The following SAMD12 variants were observed in gnomAD, a reference collection of about 807,000 sequenced individuals.
SAMD12 encodes the protein sterile alpha motif domain containing 12.
In SAMD12, 9 loss-of-function variants were observed where a neutral mutation model predicts 15.0. The ratio of observed to expected loss-of-function variants is 0.60; its 90% CI spans 0.36 to 1.05. SAMD12 has a LOEUF of 1.05. Among genes scored for constraint, SAMD12 ranks in the 50% least tolerant of loss-of-function variants. The pLI, the probability that SAMD12 is intolerant of heterozygous loss-of-function variation, is 0.01. For missense variants in SAMD12, 230 were observed against 234.2 expected, an observed-to-expected ratio of 0.98 and a Z score of 0.12; for synonymous variants, 86 against 90.1, an observed-to-expected ratio of 0.96 and a Z score of 0.25.
intron 4 of SAMD12, among the ~76,000 whole-genome samples, chr8:118,335,431 G>A (rs548115138): frequency 6.6e-6 from 1 of 152,144 alleles, no homozygotes; most frequent in African/African-American, 2.4e-5. Flanking sequence ...TTGACATAAA[G>A]CTACTTTGTC....
intron 2 of SAMD12, among the ~76,000 whole-genome samples, chr8:118,485,662 G>A (rs1304407894): frequency 1.3e-5 from 2 of 152,112 alleles, no homozygotes; most frequent in African/African-American, 2.4e-5. Flanking sequence ...TCTAGCAGCC[G>A]AAATCCATAA....
intron 2 of SAMD12, among the ~76,000 whole-genome samples, chr8:118,482,395 G>A (rs1249989517): frequency 3.9e-5 from 6 of 152,076 alleles, no homozygotes; most frequent in Non-Finnish European, 1.5e-5. Context: ...AAGGAAAATG[G>A]GTACAGTTGA....
At chr8:118,492,074 G>A (rs545855997) in intron 2 of SAMD12, among the ~76,000 whole-genome samples, 13 of 149,502 alleles carry the variant, frequency 8.7e-5, no homozygotes, top group African/African-American at 2.2e-4. Context: ...ATTCTCACTC[G>A]CAATGTATGA....
chr8:118,168,557 C>A, the SAMD12 span, among the ~76,000 whole-genome samples: 3 of 152,172 alleles, frequency 2.0e-5, no homozygotes, highest in Admixed American at 6.6e-5. Context: ...ACCCTTTTCT[C>A]TTAGGTTGTC....
chr8:118,299,093 G>A (rs979023122), intron 4 of SAMD12, among the ~76,000 whole-genome samples: 1 of 152,134 alleles, frequency 6.6e-6, no homozygotes, highest in Non-Finnish European at 1.5e-5. Context: ...CTGTGTGTGG[G>A]AGACATCAAA....
intron 4 of SAMD12, among the ~76,000 whole-genome samples, chr8:118,336,903 T>A (rs1817105511): frequency 1.3e-5 from 2 of 152,178 alleles, no homozygotes; most frequent in Middle Eastern, 6.8e-3. Context: ...GAGCAAACTA[T>A]TGCAAGGACA....
At chr8:118,286,633 T>A (rs1407399104) in intron 4 of SAMD12, among the ~76,000 whole-genome samples, 1 of 152,160 alleles carries the variant, frequency 6.6e-6, no homozygotes, top group Admixed American at 6.5e-5. Context: ...GAAGCCAGCG[T>A]GGTAGGACCA....
intron 4 of SAMD12, among the ~76,000 whole-genome samples, chr8:118,267,076 T>C (rs149572292): frequency 2.0e-5 from 3 of 152,082 alleles, no homozygotes; most frequent in Admixed American, 6.6e-5. Context: ...TATCAAAATA[T>C]CATGCTGTAC....
At chr8:118,149,738 T>G in the SAMD12 span, among the ~76,000 whole-genome samples, 149,186 of 152,260 alleles carry the variant, frequency 0.98, 73,225 homozygotes, top group Middle Eastern at 1. Flanking sequence ...TCCGTTTTTA[T>G]TTACTTTACC....
chr8:118,510,249 T>C (rs1825040664), intron 2 of SAMD12, among the ~76,000 whole-genome samples: 1 of 151,666 alleles, frequency 6.6e-6, no homozygotes, highest in South Asian at 2.1e-4. Context: ...CACGCACACA[T>C]GCATGCACAC....
intron 4 of SAMD12, among the ~76,000 whole-genome samples, chr8:118,293,130 G>A (rs964627249): frequency 6.6e-6 from 1 of 151,784 alleles, no homozygotes. Flanking sequence ...TGCTGTGTTT[G>A]AAGCTCAGAA....
intron 3 of SAMD12, among the ~76,000 whole-genome samples, chr8:118,415,448 G>GGTGTGTGTGTGTGTGTGTGTGTGTGTGT (rs58176749): frequency 1.4e-5 from 2 of 142,952 alleles, no homozygotes; most frequent in African/African-American, 2.6e-5. Context: ...CTTGTCCTAA[G>GGTGTGTGTGTGTGTGTGTGTGTGTGTGT]GTGTGTGTGT....
At chr8:118,339,368 A>G (rs1817237186) in intron 4 of SAMD12, among the ~76,000 whole-genome samples, 1 of 152,148 alleles carries the variant, frequency 6.6e-6, no homozygotes, top group Non-Finnish European at 1.5e-5. Flanking sequence ...AAAGAGAGAG[A>G]GAAAGAAAAA....
chr8:118,478,757 G>T (rs887448334), intron 2 of SAMD12, among the ~76,000 whole-genome samples: 5 of 152,194 alleles, frequency 3.3e-5, no homozygotes, highest in Admixed American at 2.6e-4. Flanking sequence ...GGCAGTTTCT[G>T]TCATCACAGT....
chr8:118,435,189 C>T (rs1822545336), intron 3 of SAMD12, among the ~76,000 whole-genome samples: 1 of 152,012 alleles, frequency 6.6e-6, no homozygotes, highest in Non-Finnish European at 1.5e-5. Flanking sequence ...TCACTTTGTG[C>T]AGTTTCAGTT....
chr8:118,396,228 C>T (rs1820558802), intron 3 of SAMD12, among the ~76,000 whole-genome samples: 1 of 152,114 alleles, frequency 6.6e-6, no homozygotes, highest in Admixed American at 6.5e-5. Context: ...GCCACTGAGT[C>T]AGTTTCCTCA....
At chr8:118,256,285 A>C (rs924705266) in intron 4 of SAMD12, among the ~76,000 whole-genome samples, 2 of 152,146 alleles carry the variant, frequency 1.3e-5, no homozygotes, top group African/African-American at 4.8e-5. Context: ...ACATTATTAC[A>C]TATAGAGCTC....
chr8:118,308,810 C>T (rs1163026095), intron 4 of SAMD12, among the ~76,000 whole-genome samples: 9 of 151,956 alleles, frequency 5.9e-5, no homozygotes, highest in African/African-American at 2.2e-4. Flanking sequence ...TCCAGCCTCT[C>T]CCCATTTTAT....
rs61235691 is a variant in SAMD12 at position 118,538,160 on chromosome 8, C to CTCTG, written c.192+42551_192+42554dup. ...TTTCTCCCAAACAAATGGAGTTAGT[C>CTCTG]TCTGTCTGTCTGTCTGTCTGTCTGT... On this transcript the variant is annotated intron_variant, in intron 2 of 3. Coordinates refer to ENST00000314727, the MANE Select transcript of SAMD12 (RefSeq NM_207506.3). 4.4e-3 allele frequency among the ~76,000 whole-genome samples: 665 copies of CTCTG among 151,700 alleles called. 3 individuals carry two copies. Among genetic ancestry groups the CTCTG allele is most frequent in the African/African-American group, 0.01 (429 of 41,262 alleles).
Sources: allele counts gnomAD v4.1 joint callset (sites outside exome capture counted in the v4.1 genomes callset), GRCh38; gene constraint gnomAD v4.1.1; transcripts MANE v1.5; gene names NCBI Gene and HGNC (gene_info 2026-07-23, HGNC 2026-07-21).